Variants in MICAL3 observed in about 807,000 individuals in gnomAD.
MICAL3 encodes the protein microtubule associated monooxygenase, calponin and LIM domain containing 3.
In MICAL3, 62 loss-of-function variants were observed where a neutral mutation model predicts 207.4. The observed-to-expected ratio is 0.30, with a 90% CI of 0.24 to 0.37. MICAL3 has a LOEUF of 0.37. Ranked by LOEUF, MICAL3 falls within the 10% of genes least tolerant of loss-of-function variation. The pLI is 1.00. For missense variants in MICAL3, 2,368 were observed against 2,635.6 expected, an observed-to-expected ratio of 0.90 and a Z score of 2.22; for synonymous variants, 1,077 against 1,069.3, an observed-to-expected ratio of 1.01 and a Z score of -0.14.
chr22:17,986,313 G>A (rs1921008322), intron 1 of MICAL3, among the ~76,000 whole-genome samples: 2 of 152,194 alleles, frequency 1.3e-5, no homozygotes, highest in African/African-American at 4.8e-5. Flanking sequence ...CTGAGGTCAG[G>A]AGTTCGAGAC....
At chr22:17,920,737 C>T (rs979857080) in intron 1 of MICAL3, among the ~76,000 whole-genome samples, 1 of 152,100 alleles carries the variant, frequency 6.6e-6, no homozygotes, top group South Asian at 2.1e-4. Flanking sequence ...CTACCCCACA[C>T]GGAGTCAAAC....
chr22:17,857,088 C>T (rs1470716567), intron 19 of MICAL3, among the ~76,000 whole-genome samples: 1 of 152,180 alleles, frequency 6.6e-6, no homozygotes, highest in Non-Finnish European at 1.5e-5. Context: ...TTAATCGATA[C>T]CAGCTCTTCC....
Position 17,801,156 on chromosome 22 carries a change from T to C in MICAL3, c.5650+7688A>G, listed in dbSNP as rs1283439049. ...TCCTGAGTTTCCTTTTTCTTTTTTT[T>C]TTTTTTTTTTTTTTGAGACGGAGTC... is the stretch of plus-strand genomic sequence containing the variant. On this transcript the variant is annotated intron_variant, in intron 29 of 31. Coordinates refer to ENST00000441493, the MANE Select transcript of MICAL3 (RefSeq NM_015241.3). Among the ~76,000 whole-genome samples, 4 of 91,402 alleles carry C rather than the reference T, an allele frequency of 4.4e-5. 1 individual carries two copies. Among genetic ancestry groups the C allele is most frequent in the Non-Finnish European group, 6.0e-5 (3 of 49,950 alleles). The allele number at this position is 91,402 out of a possible 152,430, so 60.0% of individuals were successfully genotyped here.
chr22:17,986,216 T>C (rs1205192222), intron 1 of MICAL3, among the ~76,000 whole-genome samples: 1 of 152,098 alleles, frequency 6.6e-6, no homozygotes, highest in Non-Finnish European at 1.5e-5. Flanking sequence ...CAAGAATGAC[T>C]CTTAAGAGGT....
At chr22:17,939,796 T>C (rs1381444935) in intron 1 of MICAL3, among the ~76,000 whole-genome samples, 1 of 152,142 alleles carries the variant, frequency 6.6e-6, no homozygotes, top group Non-Finnish European at 1.5e-5. Flanking sequence ...CTACAGCAAA[T>C]AGTCTCAGTC....
At chr22:17,843,852 AT>A (rs71684833) in intron 19 of MICAL3, among the ~76,000 whole-genome samples, 45 of 148,698 alleles carry the variant, frequency 3.0e-4, no homozygotes, top group Middle Eastern at 3.4e-3. Context: ...GTTACCAGAC[AT>A]TTTTTTTTTT....
intron 29 of MICAL3, among the ~76,000 whole-genome samples, chr22:17,792,135 G>A (rs1224803855): frequency 1.3e-5 from 2 of 152,230 alleles, no homozygotes; most frequent in Non-Finnish European, 2.9e-5. Flanking sequence ...ACAGAAGGAA[G>A]AAGTCTCCAA....
At position 17,887,311 on chromosome 22, in the gene MICAL3, T is replaced by C; in HGVS notation, c.2004+12A>G. 1.9e-6 allele frequency: 3 copies of C among 1,611,706 alleles called. No homozygotes were observed. The highest frequency in any genetic ancestry group is 2.5e-6 in the Non-Finnish European group (3 of 1,177,898). On this transcript the variant is annotated intron_variant, in intron 14 of 31. Transcript: ENST00000441493. ...TTAGCTTTGCAGCCCATCAAGAGAC[T>C]CCTCCACATACCTTGGGAGAACGCT...
chr22:17,928,438 CA>C (rs371390135), intron 1 of MICAL3, among the ~76,000 whole-genome samples: 7 of 144,606 alleles, frequency 4.8e-5, no homozygotes, highest in African/African-American at 1.6e-4. Context: ...GACTCCGTCT[CA>C]AAAAAAAAGA....
At chr22:17,798,788 C>T (rs1428529008) in intron 29 of MICAL3, among the ~76,000 whole-genome samples, 1 of 151,148 alleles carries the variant, frequency 6.6e-6, no homozygotes, top group Non-Finnish European at 1.5e-5. Flanking sequence ...ATTCTCCTGC[C>T]TCAGCCTCCT....
chr22:17,984,412 G>C (rs1261743990), intron 1 of MICAL3, among the ~76,000 whole-genome samples: 1 of 152,236 alleles, frequency 6.6e-6, no homozygotes, highest in Non-Finnish European at 1.5e-5. Flanking sequence ...GACTCGGAGA[G>C]ATAAAGACAC....
At chr22:17,860,718 CCTAGTCTGCT>C (rs1569099134) in intron 19 of MICAL3, 1 of 985,422 alleles carries the variant, frequency 1.0e-6, no homozygotes, top group Non-Finnish European at 1.2e-6. Context: ...CCCCTGCGTT[CCTAGTCTGCT>C]CTTGGGGCCC....
chr22:17,853,605 G>T (rs1925569174), intron 19 of MICAL3, among the ~76,000 whole-genome samples: 1 of 152,248 alleles, frequency 6.6e-6, no homozygotes, highest in Non-Finnish European at 1.5e-5. Flanking sequence ...TTAGCAGACA[G>T]AGGAGCAGGT....
rs538353431 is a variant in MICAL3 at position 17,818,048 on chromosome 22, C to T, written c.4613G>A (p.Ser1538Asn). 1 of 1,612,962 alleles carries T rather than the reference C, an allele frequency of 6.2e-7. No homozygotes were observed. Among genetic ancestry groups the T allele is most frequent in the Non-Finnish European group, 8.5e-7 (1 of 1,179,772 alleles). ...DTYDDKTEDS[S>N]LQEKFFTPPS... ...GGGCGTGAAGAATTTCTCCTGCAGG[C>T]TTGAGTCCTCAGTCTTGTCGTCATA... The change falls in exon 26 of 32, where the codon AGC becomes AAC. Residue 1538 changes from serine to asparagine, a missense_variant. Ser to Asn is a conservative substitution (Grantham distance 46, BLOSUM62 1). This residue lies in a region of MICAL3 where 1,770 missense variants were observed against 1,863.2 expected (regional missense o/e 0.95). Transcript: ENST00000441493.
chr22:17,831,739 G>C, intron 21 of MICAL3, 115 bp downstream of exon 21: 1 of 1,462,780 alleles, frequency 6.8e-7, no homozygotes, highest in Non-Finnish European at 9.1e-7. Flanking sequence ...TGGTCCCTGG[G>C]CTGTGCAGGA....
chr22:17,810,254 G>A (rs766321971), intron 28 of MICAL3, among the ~76,000 whole-genome samples: 13 of 149,486 alleles, frequency 8.7e-5, no homozygotes, highest in Admixed American at 4.6e-4. Context: ...AGTAGAGACG[G>A]GGGTTTCACC....
At chr22:17,792,519 A>G (rs1398697759) in intron 29 of MICAL3, among the ~76,000 whole-genome samples, 8 of 152,164 alleles carry the variant, frequency 5.3e-5, no homozygotes, top group Admixed American at 5.2e-4. Context: ...ACAGCCTCAG[A>G]AGGGCCAGCC....
At chr22:17,795,682 G>A (rs967820575) in intron 29 of MICAL3, among the ~76,000 whole-genome samples, 1 of 152,266 alleles carries the variant, frequency 6.6e-6, no homozygotes, top group Non-Finnish European at 1.5e-5. Context: ...GCAAGAGGCA[G>A]AAGCGCGTGT....
chr22:17,992,665 C>A (rs1489857667), intron 1 of MICAL3, among the ~76,000 whole-genome samples: 3 of 152,144 alleles, frequency 2.0e-5, no homozygotes, highest in African/African-American at 7.2e-5. Flanking sequence ...TGTATCCCCA[C>A]CCCTCACTAG....
Sources: gnomAD v4.1 joint callset for allele counts (sites outside exome capture counted in the v4.1 genomes callset) on GRCh38, gnomAD v4.1.1 for gene constraint, gnomAD v4.1.1 regional missense constraint, MANE v1.5 for transcripts, NCBI Gene and HGNC (gene_info 2026-07-23, HGNC 2026-07-21) for gene names.